RAB38: variants seen among roughly 807,000 people sequenced by gnomAD.
RAB38 encodes the protein RAB38, member RAS oncogene family, also known as ras-related protein Rab-38.
A neutral mutation model predicts 18.4 loss-of-function variants in RAB38; 15 were observed. The ratio of observed to expected loss-of-function variants is 0.82; its 90% confidence interval spans 0.55 to 1.26. RAB38 has a LOEUF of 1.26. RAB38 is among the 50% of genes most tolerant of loss of function. RAB38 has a pLI of 0.00. For missense variants in RAB38, 294 were observed against 267.4 expected, an observed-to-expected ratio of 1.10 and a Z score of -0.69; for synonymous variants, 101 against 104.4, an observed-to-expected ratio of 0.97 and a Z score of 0.20.
At chr11:87,962,550 G>A in the RAB38 span, among the ~76,000 whole-genome samples, 9 of 152,092 alleles carry the variant, frequency 5.9e-5, no homozygotes, top group African/African-American at 2.2e-4. Context: ...TATGAAGATG[G>A]AAGTTTGCTA....
At chr11:87,881,267 A>C in the RAB38 span, among the ~76,000 whole-genome samples, 1 of 151,868 alleles carries the variant, frequency 6.6e-6, no homozygotes, top group Admixed American at 6.6e-5. Flanking sequence ...CCTCATGTTC[A>C]GAGCCCAGGA....
At chr11:88,054,279 G>C in the RAB38 span, among the ~76,000 whole-genome samples, 2 of 152,238 alleles carry the variant, frequency 1.3e-5, no homozygotes, top group South Asian at 2.1e-4. Flanking sequence ...AACCAGGCTA[G>C]GATGAACCAG....
At chr11:88,133,142 G>A (rs374512616) in intron 2 of RAB38, among the ~76,000 whole-genome samples, 3 of 152,102 alleles carry the variant, frequency 2.0e-5, no homozygotes, top group South Asian at 2.1e-4. Flanking sequence ...ACTGGCATAC[G>A]GACAGATTAC....
the RAB38 span, among the ~76,000 whole-genome samples, chr11:87,975,422 GTAC>G: frequency 1.3e-5 from 2 of 151,844 alleles, no homozygotes; most frequent in African/African-American, 4.8e-5. Flanking sequence ...CAGCAAACTT[GTAC>G]TACGAGAAAT....
chr11:88,028,826 C>G, the RAB38 span, among the ~76,000 whole-genome samples: 1 of 152,166 alleles, frequency 6.6e-6, no homozygotes, highest in African/African-American at 2.4e-5. Context: ...TCCAGGAGAA[C>G]TTCCCCAATC....
At chr11:88,152,215 A>C (rs945374838) in intron 1 of RAB38, among the ~76,000 whole-genome samples, 2 of 152,202 alleles carry the variant, frequency 1.3e-5, no homozygotes, top group Non-Finnish European at 2.9e-5. Context: ...ATGTCTTATG[A>C]TCTCTTTCAA....
intron 2 of RAB38, among the ~76,000 whole-genome samples, chr11:88,138,933 C>A: frequency 6.6e-6 from 1 of 152,014 alleles, no homozygotes. Flanking sequence ...CAGGCGCCCG[C>A]CACCACGCCT....
At chr11:88,152,303 G>A (rs1943071613) in intron 1 of RAB38, among the ~76,000 whole-genome samples, 1 of 152,092 alleles carries the variant, frequency 6.6e-6, no homozygotes, top group Non-Finnish European at 1.5e-5. Flanking sequence ...GTAGAACAAG[G>A]CAGTCCTCAA....
the RAB38 span, among the ~76,000 whole-genome samples, chr11:88,086,815 G>C: frequency 4.0e-5 from 6 of 151,872 alleles, no homozygotes. Flanking sequence ...ATTATGCAGA[G>C]TACTTTCTTA....
At chr11:88,007,123 A>G in the RAB38 span, among the ~76,000 whole-genome samples, 3 of 151,832 alleles carry the variant, frequency 2.0e-5, no homozygotes, top group Admixed American at 1.3e-4. Context: ...ATAAATATGT[A>G]CAATTATATA....
chr11:88,095,214 A>T, the RAB38 span, among the ~76,000 whole-genome samples: 9,802 of 151,968 alleles, frequency 0.065, 483 homozygotes, highest in South Asian at 0.16. Flanking sequence ...AAAGCTCTGT[A>T]TTTATCTCAA....
At chr11:87,843,673 G>A in the RAB38 span, among the ~76,000 whole-genome samples, 1 of 152,192 alleles carries the variant, frequency 6.6e-6, no homozygotes, top group Admixed American at 6.5e-5. Flanking sequence ...GCCTAAATTT[G>A]CTTGTACAAG....
chr11:88,060,196 C>T, the RAB38 span: 1 of 152,162 alleles, frequency 6.6e-6, no homozygotes, highest in Non-Finnish European at 1.5e-5. Flanking sequence ...ATCAGAACTG[C>T]TCCTCTTTGT....
the RAB38 span, among the ~76,000 whole-genome samples, chr11:87,934,675 C>T: frequency 1.1e-4 from 16 of 152,164 alleles, no homozygotes; most frequent in Middle Eastern, 3.4e-3. Flanking sequence ...TTGTCTCCAT[C>T]TGTGCTTATA....
At chr11:88,101,147 C>T in the RAB38 span, among the ~76,000 whole-genome samples, 2 of 151,920 alleles carry the variant, frequency 1.3e-5, no homozygotes, top group Admixed American at 6.6e-5. Context: ...ACAATGGTTA[C>T]AAGTAGGTGT....
chr11:88,030,229 G>C, the RAB38 span, among the ~76,000 whole-genome samples: 1 of 152,212 alleles, frequency 6.6e-6, no homozygotes, highest in Non-Finnish European at 1.5e-5. Flanking sequence ...ATTTAAGGCA[G>C]TGTGTAGAGA....
At chr11:87,962,049 T>C in the RAB38 span, among the ~76,000 whole-genome samples, 1 of 148,334 alleles carries the variant, frequency 6.7e-6, no homozygotes, top group Non-Finnish European at 1.5e-5. Context: ...AAAAGCTACC[T>C]AATTACCAAT....
chr11:87,948,025 G>C, the RAB38 span, among the ~76,000 whole-genome samples: 25 of 152,342 alleles, frequency 1.6e-4, no homozygotes, highest in African/African-American at 6.0e-4. Flanking sequence ...TTGTACCCAT[G>C]AGCATGGAAT....
chr11:87,914,638 CA>C, the RAB38 span, among the ~76,000 whole-genome samples: 1 of 152,144 alleles, frequency 6.6e-6, no homozygotes, highest in African/African-American at 2.4e-5. Context: ...AGGGTGCAGT[CA>C]AGTGACTGCT....
Sources: allele counts gnomAD v4.1 joint callset (sites outside exome capture counted in the v4.1 genomes callset), GRCh38; gene constraint gnomAD v4.1.1; transcripts MANE v1.5; gene names NCBI Gene and HGNC (gene_info 2026-07-23, HGNC 2026-07-21).